Variants in GRIP2 observed in about 807,000 individuals in gnomAD.
The protein encoded by GRIP2 is glutamate receptor interacting protein 2.
A neutral mutation model predicts 108.3 loss-of-function variants in GRIP2; 58 were observed. That is an observed-to-expected ratio of 0.54 (90% CI 0.43 to 0.67). GRIP2 has a LOEUF of 0.67. Ranked by LOEUF, GRIP2 falls within the 30% of genes least tolerant of loss-of-function variation. GRIP2 has a pLI of 0.00. For synonymous variants in GRIP2, 586 were observed against 598.2 expected (o/e 0.98, Z 0.30); for missense variants, 1,278 against 1,430.6 (o/e 0.89, Z 1.72).
chr3:14,548,495 T>C (rs1695092206), intron 1 of GRIP2, among the ~76,000 whole-genome samples: 1 of 152,128 alleles, frequency 6.6e-6, no homozygotes, highest in Non-Finnish European at 1.5e-5. Context: ...GGGTAGTGGA[T>C]CAGGCTTTGG....
At chr3:14,554,340 G>A (rs1161282965) in intron 1 of GRIP2, among the ~76,000 whole-genome samples, 1 of 152,202 alleles carries the variant, frequency 6.6e-6, no homozygotes, top group Non-Finnish European at 1.5e-5. Flanking sequence ...AAATCCTGGG[G>A]ACGCTCAAAT....
At chr3:14,573,841 C>G in the GRIP2 span, 4 of 1,450,250 alleles carry the variant, frequency 2.8e-6, no homozygotes, top group Non-Finnish European at 3.9e-6. Context: ...GGTCACTTCA[C>G]CCACATTGCC....
At chr3:14,516,821 T>C (rs1242132094) in intron 11 of GRIP2, among the ~76,000 whole-genome samples, 1 of 152,084 alleles carries the variant, frequency 6.6e-6, no homozygotes. Flanking sequence ...TTTTTCATAA[T>C]AAAAATACAA....
chr3:14,507,106 G>T lies in GRIP2; in HGVS notation c.2219-126C>A. 2 of 907,134 alleles carry T rather than the reference G, an allele frequency of 2.2e-6. No individual in the cohort carries two copies. Among genetic ancestry groups the T allele is most frequent in the Non-Finnish European group, 3.3e-6 (2 of 601,266 alleles). 56.2% of individuals were successfully genotyped at this position (907,134 alleles called of 1,614,324 possible). On this transcript the variant is annotated intron_variant, in intron 18 of 23. Transcript: ENST00000621039. The surrounding 1 kb of genome is among the most constrained non-coding windows in gnomAD (Gnocchi z 4.6). ...CCTTCTGAGCTGACATATGACCATG[G>T]CACACTAATAAGCAAACCTGTTTCA...
In GRIP2 at chr3:14,492,495, G is replaced by A. The variant is rs1200985302; in HGVS notation, c.*1170C>T. On this transcript the variant is annotated 3_prime_UTR_variant, in exon 24 of 24. Coordinates refer to ENST00000621039, the MANE Select transcript of GRIP2 (RefSeq NM_001080423.4). ...GACACTGAGGACAATGATTTTAAGG[G>A]ATGCTGGTGCTTCCAGATTTCAAGT... 1 of 152,276 alleles carries A rather than the reference G, an allele frequency of 6.6e-6. No individual in the cohort carries two copies. Among genetic ancestry groups the A allele is most frequent in the Non-Finnish European group, 1.5e-5 (1 of 68,084 alleles). 9.4% of individuals were successfully genotyped at this position (152,276 alleles called of 1,614,324 possible).
the GRIP2 span, among the ~76,000 whole-genome samples, chr3:14,591,790 T>C: frequency 6.6e-6 from 1 of 152,126 alleles, no homozygotes. Flanking sequence ...GTACACGCCA[T>C]TCAAGGGCAA....
In GRIP2 at chr3:14,492,114, G is replaced by T. The variant is rs549332093; in HGVS notation, c.*1551C>A. 2 of 152,414 alleles carry T rather than the reference G, an allele frequency of 1.3e-5. No homozygotes were observed. The highest frequency in any genetic ancestry group is 2.9e-5 in the Non-Finnish European group (2 of 68,186). 9.4% of individuals were successfully genotyped at this position (152,414 alleles called of 1,614,324 possible). A position where few individuals can be genotyped will look rare whatever the true frequency, so the allele number is the denominator to read the frequency against. On this transcript the variant is annotated 3_prime_UTR_variant, in exon 24 of 24. Coordinates refer to ENST00000621039, the MANE Select transcript of GRIP2 (RefSeq NM_001080423.4). The stretch of plus-strand genomic sequence containing the variant: ...GGTTCCGGCCCTGACCAGGAGGCCT[G>T]TGTCTGCTCAGACTGTCCACCCGTG...
intron 1 of GRIP2, among the ~76,000 whole-genome samples, chr3:14,531,792 C>T (rs1694716643): frequency 6.6e-6 from 1 of 152,164 alleles, no homozygotes; most frequent in Non-Finnish European, 1.5e-5. Flanking sequence ...CCCCATCGAG[C>T]GGGTTATGTT....
At chr3:14,579,935 C>T in the GRIP2 span, among the ~76,000 whole-genome samples, 1 of 152,208 alleles carries the variant, frequency 6.6e-6, no homozygotes, top group East Asian at 1.9e-4. Context: ...GCACTCGGTG[C>T]CATACGGGGT....
chr3:14,510,826 G>A (rs989818210), intron 16 of GRIP2, among the ~76,000 whole-genome samples: 3 of 152,060 alleles, frequency 2.0e-5, no homozygotes, highest in Non-Finnish European at 2.9e-5. Context: ...ACTCAAAAGG[G>A]CAGCCTCGCT....
intron 1 of GRIP2, among the ~76,000 whole-genome samples, chr3:14,531,677 C>A (rs181178436): frequency 4.6e-5 from 7 of 152,258 alleles, no homozygotes; most frequent in African/African-American, 1.7e-4. Flanking sequence ...ATTTGACAGA[C>A]GAGGAAACAG....
the GRIP2 span, among the ~76,000 whole-genome samples, chr3:14,591,881 T>C: frequency 6.6e-6 from 1 of 152,184 alleles, no homozygotes; most frequent in Admixed American, 6.5e-5. Context: ...TGTAAGTACC[T>C]GGTGCCCAGG....
At chr3:14,593,932 G>A in the GRIP2 span, among the ~76,000 whole-genome samples, 1 of 152,228 alleles carries the variant, frequency 6.6e-6, no homozygotes. Flanking sequence ...AGCTCTATTT[G>A]CATGACCCTG....
At chr3:14,585,172 G>A in the GRIP2 span, among the ~76,000 whole-genome samples, 252 of 152,218 alleles carry the variant, frequency 1.7e-3, no homozygotes, top group African/African-American at 5.8e-3. Context: ...ACACTCACCC[G>A]CCACCATGCC....
intron 11 of GRIP2, 81 bp downstream of exon 11, chr3:14,516,983 C>A (rs1467175620): frequency 7.5e-7 from 1 of 1,328,806 alleles, no homozygotes; most frequent in South Asian, 2.0e-5. Context: ...TACCTCCCCT[C>A]GCCCTGACAT....
upstream of GRIP2, chr3:14,540,423 T>G: frequency 6.3e-7 from 1 of 1,599,430 alleles, no homozygotes; most frequent in South Asian, 1.1e-5. This position sits in a 1 kb window ranked among gnomAD's most constrained non-coding sequence, Gnocchi z 4.1. Context: ...TCCCACTGGC[T>G]GGGCACCGAG....
the GRIP2 span, chr3:14,572,922 C>T: frequency 7.4e-7 from 1 of 1,355,078 alleles, no homozygotes; most frequent in South Asian, 1.2e-5. Context: ...GAGGAACTCA[C>T]ACCACTCACG....
At chr3:14,495,673 G>A (rs1221607674) in intron 22 of GRIP2, among the ~76,000 whole-genome samples, 2 of 151,996 alleles carry the variant, frequency 1.3e-5, no homozygotes, top group African/African-American at 4.8e-5. Flanking sequence ...CCAAAGTGCT[G>A]GGATTACAGG....
At chr3:14,546,661 C>T (rs745420141), upstream of GRIP2, among the ~76,000 whole-genome samples, 5 of 152,126 alleles carry the variant, frequency 3.3e-5, no homozygotes, top group South Asian at 2.1e-4. Context: ...TATAAACAGG[C>T]GAGGCACAGG....
Sources: gnomAD v4.1 joint callset for allele counts (sites outside exome capture counted in the v4.1 genomes callset) on GRCh38, gnomAD v4.1.1 for gene constraint, Gnocchi (gnomAD v3.1) non-coding constraint, MANE v1.5 for transcripts, NCBI Gene and HGNC (gene_info 2026-07-23, HGNC 2026-07-21) for gene names.